REEP5: variants seen among roughly 807,000 people sequenced by gnomAD.
The protein encoded by REEP5 is receptor accessory protein 5, also known as receptor expression-enhancing protein 5.
Under a neutral mutation model 22.4 loss-of-function variants are expected in REEP5, and 24 were observed. The observed-to-expected ratio is 1.07, with a 90% confidence interval of 0.78 to 1.51. The LOEUF is 1.51. REEP5 is among the 40% of genes most tolerant of loss of function. The probability of loss-of-function intolerance (pLI) is 0.00; values close to 1 mark genes in which losing one functional copy is unlikely to be tolerated. For missense variants in REEP5, 252 were observed against 233.0 expected (o/e 1.08, Z -0.53); for synonymous variants, 103 against 88.6 (o/e 1.16, Z -0.92).
chr5:112,921,109 C>T, intron 2 of REEP5, 54 bp downstream of exon 2: 4 of 1,558,900 alleles, frequency 2.6e-6, no homozygotes, highest in South Asian at 2.3e-5. Context: ...TGCAGCAGCC[C>T]TGCGGGGAGG....
At chr5:112,890,683 T>G (rs1396617405) in intron 3 of REEP5, among the ~76,000 whole-genome samples, 2 of 150,370 alleles carry the variant, frequency 1.3e-5, no homozygotes, top group Non-Finnish European at 2.9e-5. Context: ...TGGCCTAAAA[T>G]CTCACTCTAA....
chr5:112,885,952 G>A (rs1439152309), intron 4 of REEP5, among the ~76,000 whole-genome samples: 4 of 152,188 alleles, frequency 2.6e-5, no homozygotes, highest in Admixed American at 6.5e-5. Flanking sequence ...GCCACTGCCC[G>A]AAGCCATCTT....
intron 3 of REEP5, chr5:112,892,167 T>C (rs61995948): frequency 0.013 from 20,496 of 1,614,196 alleles, 179 homozygotes; most frequent in Middle Eastern, 0.02. Context: ...ATCGAGCTAA[T>C]TGTCCCTTCT....
chr5:112,917,683 G>A (rs1195183683), intron 2 of REEP5, among the ~76,000 whole-genome samples: 1 of 152,162 alleles, frequency 6.6e-6, no homozygotes, highest in African/African-American at 2.4e-5. Flanking sequence ...TGAGGGTGCA[G>A]CACAGCATAC....
At position 112,877,394 on chromosome 5, in the gene REEP5, CTT is replaced by C. The variant is rs1006246870; in HGVS notation, c.*1390_*1391del. On this transcript the variant is annotated 3_prime_UTR_variant, in exon 5 of 5. Coordinates refer to ENST00000379638, the MANE Select transcript of REEP5 (RefSeq NM_005669.5). ...TAGTCGAGTTTAATTCAAAAGGACT[CTT>C]AACAGTATGGTGTAAAACTCAGATT... is the stretch of plus-strand genomic sequence containing the variant. 2.6e-5 allele frequency: 4 copies of C among 152,252 alleles called. No homozygotes were observed. The East Asian group carries it at 5.8e-4, about 22-fold the overall frequency. The allele number at this position is 152,252 out of a possible 1,614,324, so 9.4% of individuals were successfully genotyped here.
intron 1 of REEP5, chr5:112,921,500 G>A: frequency 1.8e-6 from 1 of 554,180 alleles, no homozygotes; most frequent in African/African-American, 1.9e-5. Flanking sequence ...GGGCCCCGGC[G>A]CTTTGCGCAG....
intron 3 of REEP5, chr5:112,898,296 C>T (rs1768753809): frequency 6.6e-6 from 1 of 152,178 alleles, no homozygotes; most frequent in South Asian, 2.1e-4. Context: ...TGATTGACAG[C>T]ATCATGAATG....
chr5:112,922,159 C>G lies in REEP5; in HGVS notation c.32G>C (p.Arg11Pro). ...CATGCAGTTCTTCTCGTGCAGGAAC[C>G]GGTCGAACCTCTCCCTCATGGCCGC... The part of the protein sequence containing the change: MSAAMRERFD[R>P]FLHEKNCMTD... The change falls in exon 1 of 5, where the codon CGG becomes CCG. Residue 11 changes from arginine to proline, a missense_variant. By Grantham distance (103) the Arg-to-Pro change is moderately radical. Transcript: ENST00000379638. 6.2e-7 allele frequency: 1 copy of G among 1,608,130 alleles called. No homozygotes were observed. The highest frequency in any genetic ancestry group is 8.5e-7 in the Non-Finnish European group (1 of 1,177,420).
intron 3 of REEP5, among the ~76,000 whole-genome samples, chr5:112,887,435 A>G (rs181333233): frequency 6.6e-6 from 1 of 152,346 alleles, no homozygotes; most frequent in African/African-American, 2.4e-5. Context: ...GAGCTTAACT[A>G]TCTTCCTAAC....
intron 3 of REEP5, chr5:112,898,340 T>G (rs998961510): frequency 1.3e-4 from 20 of 152,238 alleles, no homozygotes; most frequent in Admixed American, 1.3e-4. Flanking sequence ...CTATTTGGAA[T>G]GTATGCAATA....
At chr5:112,913,681 T>C (rs944149075) in intron 2 of REEP5, among the ~76,000 whole-genome samples, 2 of 152,182 alleles carry the variant, frequency 1.3e-5, no homozygotes, top group African/African-American at 2.4e-5. Flanking sequence ...TCCACCATTT[T>C]GTTTTTAAAT....
chr5:112,893,859 A>T (rs968201967), intron 3 of REEP5: 2 of 152,184 alleles, frequency 1.3e-5, no homozygotes, highest in African/African-American at 4.8e-5. Flanking sequence ...TTTCCCAGCA[A>T]CTCTGCTCTA....
At chr5:112,891,887 G>A in intron 3 of REEP5, 2 of 1,368,836 alleles carry the variant, frequency 1.5e-6, no homozygotes, top group South Asian at 1.2e-5. Flanking sequence ...TGGTTGCTGA[G>A]GGAGCAGAAG....
At chr5:112,916,293 G>C (rs190485569) in intron 2 of REEP5, among the ~76,000 whole-genome samples, 1 of 152,082 alleles carries the variant, frequency 6.6e-6, no homozygotes, top group Non-Finnish European at 1.5e-5. Flanking sequence ...ATCCCTTTCT[G>C]ATCTGACCTC....
Position 112,922,100 on chromosome 5 carries a change from C to T in REEP5, c.91G>A (p.Gly31Ser), listed in dbSNP as rs1227436957. ...AGAGCGATGAAGCTCCTGTTCACGC[C>T]GGTTTTGGCCTCGAGCTTGGCCAGA... Reference protein sequence around the residue: ...DLLAKLEAKTGVNRSFIALGV... With the variant: ...DLLAKLEAKTSVNRSFIALGV... Residue 31 changes from glycine (G) to serine (S), a missense_variant, in exon 1 of 5, where the codon GGC (glycine) becomes AGC (serine). Physicochemically the swap from Gly to Ser is moderately conservative, Grantham distance 56. Coordinates refer to ENST00000379638, the MANE Select transcript of REEP5 (RefSeq NM_005669.5). The T allele has an allele frequency of 6.2e-6, 10 of 1,604,886 alleles. No homozygotes were observed. The highest frequency in any genetic ancestry group is 8.5e-6 in the Non-Finnish European group (10 of 1,175,898).
chr5:112,891,801 G>C, intron 3 of REEP5: 4 of 1,607,182 alleles, frequency 2.5e-6, no homozygotes, highest in South Asian at 2.2e-5. Context: ...AGGAGGAAGA[G>C]GACACTTTTA....
intron 3 of REEP5, among the ~76,000 whole-genome samples, chr5:112,888,547 G>A (rs1768332301): frequency 6.6e-6 from 1 of 150,978 alleles, no homozygotes. Flanking sequence ...AGCCTCCCAA[G>A]TAGCTGGGAA....
chr5:112,906,836 C>G (rs1292242906), intron 2 of REEP5, among the ~76,000 whole-genome samples: 1 of 152,096 alleles, frequency 6.6e-6, no homozygotes, highest in African/African-American at 2.4e-5. Context: ...AGCACCTGCC[C>G]TACGTGTTCT....
chr5:112,887,585 G>T (rs1455057180), intron 3 of REEP5, among the ~76,000 whole-genome samples: 2 of 152,130 alleles, frequency 1.3e-5, no homozygotes, highest in East Asian at 3.9e-4. Flanking sequence ...GCCTGTGCTT[G>T]GTAGGCTTAT....
Sources: gnomAD v4.1 joint callset for allele counts (sites outside exome capture counted in the v4.1 genomes callset) on GRCh38, gnomAD v4.1.1 for gene constraint, MANE v1.5 for transcripts, NCBI Gene and HGNC (gene_info 2026-07-23, HGNC 2026-07-21) for gene names.